Variants in ZBTB20 observed in about 807,000 individuals in gnomAD.
ZBTB20 encodes the protein zinc finger and BTB domain-containing protein 20.
A neutral mutation model predicts 56.9 loss-of-function variants in ZBTB20; 9 were observed. The observed-to-expected ratio is 0.16, with a 90% CI of 0.10 to 0.28. The LOEUF (loss-of-function observed/expected upper bound fraction) is 0.28. Ranked by LOEUF, ZBTB20 falls within the 10% of genes least tolerant of loss-of-function variation. The pLI is 1.00. For synonymous variants in ZBTB20, 417 were observed against 420.7 expected, an observed-to-expected ratio of 0.99 and a Z score of 0.11; for missense variants, 655 against 1,003.0, an observed-to-expected ratio of 0.65 and a Z score of 4.69.
At chr3:114,866,453 T>C (rs2075767443) in intron 4 of ZBTB20, among the ~76,000 whole-genome samples, 2 of 152,174 alleles carry the variant, frequency 1.3e-5, no homozygotes, top group African/African-American at 2.4e-5. Flanking sequence ...AGGATTAAAT[T>C]AGGTAATGGA....
At chr3:115,089,442 A>G (rs2083107351) in intron 1 of ZBTB20, among the ~76,000 whole-genome samples, 1 of 151,828 alleles carries the variant, frequency 6.6e-6, no homozygotes, top group Non-Finnish European at 1.5e-5. Flanking sequence ...GAACCCATGA[A>G]TTCTACATCC....
At chr3:114,963,718 T>G (rs1427996943) in intron 3 of ZBTB20, among the ~76,000 whole-genome samples, 4 of 152,074 alleles carry the variant, frequency 2.6e-5, no homozygotes, top group African/African-American at 9.7e-5. Context: ...TTCCAAGTAC[T>G]ATAATTGAAA....
At chr3:114,879,677 T>C (rs148946052) in intron 4 of ZBTB20, among the ~76,000 whole-genome samples, 89 of 152,316 alleles carry the variant, frequency 5.8e-4, no homozygotes, top group Middle Eastern at 6.8e-3. Context: ...CTTCCTTATT[T>C]ATACGGATTT....
chr3:114,572,520 A>G (rs1390819164), intron 6 of ZBTB20, among the ~76,000 whole-genome samples: 2 of 152,246 alleles, frequency 1.3e-5, no homozygotes, highest in Non-Finnish European at 2.9e-5. Context: ...AAAAGAGACA[A>G]GCTTGTGTAC....
intron 4 of ZBTB20, among the ~76,000 whole-genome samples, chr3:114,807,020 G>A (rs2072155162): frequency 6.6e-6 from 1 of 151,908 alleles, no homozygotes; most frequent in Non-Finnish European, 1.5e-5. Context: ...ACCAGAAATT[G>A]TACGTTATCT....
chr3:114,753,372 AATG>A (rs1560209558), intron 5 of ZBTB20, among the ~76,000 whole-genome samples: 644 of 45,442 alleles, frequency 0.014, 138 homozygotes, highest in Admixed American at 0.028. Context: ...ATGTATATAT[AATG>A]TATATACACA....
intron 4 of ZBTB20, among the ~76,000 whole-genome samples, chr3:114,877,645 T>C (rs986162044): frequency 6.6e-6 from 1 of 152,182 alleles, no homozygotes; most frequent in East Asian, 1.9e-4. Flanking sequence ...CACACACATA[T>C]ATATAAGCAC....
intron 2 of ZBTB20, among the ~76,000 whole-genome samples, chr3:114,985,592 T>C (rs561713499): frequency 2.2e-4 from 34 of 152,096 alleles, no homozygotes; most frequent in Admixed American, 1.2e-3. Flanking sequence ...AACAATTGAA[T>C]GGAACTGAAT....
intron 2 of ZBTB20, among the ~76,000 whole-genome samples, chr3:114,991,596 G>C (rs2078812871): frequency 6.6e-6 from 1 of 152,108 alleles, no homozygotes; most frequent in Admixed American, 6.6e-5. Flanking sequence ...TTGGGGTGGA[G>C]AGTTCTGTAG....
At chr3:114,441,874 CA>C (rs1179707806) in intron 7 of ZBTB20, among the ~76,000 whole-genome samples, 3 of 151,832 alleles carry the variant, frequency 2.0e-5, no homozygotes, top group East Asian at 1.9e-4. Flanking sequence ...GATGGTAGCT[CA>C]AAAAATCCAA....
At chr3:114,471,463 G>C (rs2040119709) in intron 7 of ZBTB20, among the ~76,000 whole-genome samples, 2 of 152,174 alleles carry the variant, frequency 1.3e-5, no homozygotes, top group South Asian at 4.1e-4. Context: ...AATACAAGAT[G>C]CAGCCAGGAA....
intron 3 of ZBTB20, among the ~76,000 whole-genome samples, chr3:114,949,326 A>G (rs1048908631): frequency 6.8e-6 from 1 of 146,540 alleles, no homozygotes; most frequent in Admixed American, 6.6e-5. Context: ...ATTCTAGAAG[A>G]TAACAAAGGA....
At chr3:115,101,976 C>T (rs2083598236) in intron 1 of ZBTB20, among the ~76,000 whole-genome samples, 1 of 152,156 alleles carries the variant, frequency 6.6e-6, no homozygotes, top group East Asian at 1.9e-4. Context: ...TCACAAAAAT[C>T]TTTAAGAATG....
In ZBTB20 at chr3:115,074,463, G is replaced by GT. The variant is rs2082524354; in HGVS notation, c.-702-3050dup. ...CTGCCATTTAGTTAGTACAAAAAAG[G>GT]TAACTAACTACACTGTGCTACTAGA... On this transcript the variant is annotated intron_variant, in intron 1 of 11. Transcript: ENST00000675478. 2.0e-5 allele frequency among the ~76,000 whole-genome samples: 3 copies of GT among 152,174 alleles called. No individual in the cohort carries two copies. The South Asian group carries it at 6.2e-4, about 32-fold the overall frequency.
intron 7 of ZBTB20, among the ~76,000 whole-genome samples, chr3:114,414,947 C>T (rs1024325377): frequency 2.6e-5 from 4 of 151,528 alleles, no homozygotes; most frequent in African/African-American, 4.9e-5. Flanking sequence ...TCTCTGCCGC[C>T]CCCCCGCACC....
intron 4 of ZBTB20, among the ~76,000 whole-genome samples, chr3:114,898,095 T>C (rs962247623): frequency 2.7e-4 from 41 of 152,128 alleles, no homozygotes; most frequent in Non-Finnish European, 5.9e-5. Flanking sequence ...AGAAAAATAA[T>C]TACAGATTTT....
chr3:114,821,570 C>T (rs1346968568), intron 4 of ZBTB20, among the ~76,000 whole-genome samples: 2 of 152,096 alleles, frequency 1.3e-5, no homozygotes, highest in African/African-American at 4.8e-5. Flanking sequence ...GCGTCTACAT[C>T]AATGTCAACA....
At chr3:114,987,301 G>T (rs1395784843) in intron 2 of ZBTB20, among the ~76,000 whole-genome samples, 3 of 152,048 alleles carry the variant, frequency 2.0e-5, no homozygotes, top group Non-Finnish European at 4.4e-5. Context: ...CAAGAATCAG[G>T]CTTTTGAGGT....
intron 2 of ZBTB20, among the ~76,000 whole-genome samples, chr3:115,058,291 T>C (rs1038211962): frequency 6.6e-6 from 1 of 152,214 alleles, no homozygotes; most frequent in South Asian, 2.1e-4. Context: ...CTCCATTTCC[T>C]GTCTCTTTCT....
Sources: allele counts gnomAD v4.1 joint callset (sites outside exome capture counted in the v4.1 genomes callset), GRCh38; gene constraint gnomAD v4.1.1; transcripts MANE v1.5; gene names NCBI Gene and HGNC (gene_info 2026-07-23, HGNC 2026-07-21).